HNF4G: variants seen among roughly 807,000 people sequenced by gnomAD.
The protein encoded by HNF4G is hepatocyte nuclear factor 4-gamma.
HNF4G carries 21 observed loss-of-function variants against 50.9 expected under a neutral mutation model. That is an observed-to-expected ratio of 0.41 (90% CI 0.29 to 0.59). HNF4G has a LOEUF of 0.59. Among genes scored for constraint, HNF4G ranks in the 20% least tolerant of loss-of-function variants. The pLI is 0.26. For missense variants in HNF4G, 527 were observed against 559.4 expected, an observed-to-expected ratio of 0.94 and a Z score of 0.58; for synonymous variants, 198 against 185.6, an observed-to-expected ratio of 1.07 and a Z score of -0.54.
intron 1 of HNF4G, among the ~76,000 whole-genome samples, chr8:75,443,192 A>C (rs80108463): frequency 0.023 from 3,485 of 152,192 alleles, 59 homozygotes; most frequent in Non-Finnish European, 0.03. Flanking sequence ...CAGACACCAA[A>C]TCTGCTGGTA....
At chr8:75,488,703 A>G (rs1672140863) in intron 1 of HNF4G, among the ~76,000 whole-genome samples, 1 of 152,206 alleles carries the variant, frequency 6.6e-6, no homozygotes, top group Admixed American at 6.5e-5. Context: ...TGCGATTTAC[A>G]CAGGGACAGT....
intron 1 of HNF4G, among the ~76,000 whole-genome samples, chr8:75,413,792 G>A (rs1427422160): frequency 2.0e-5 from 3 of 151,980 alleles, no homozygotes; most frequent in Admixed American, 2.0e-4. Context: ...AGGAGGCTGA[G>A]ATTGCAGTGA....
At chr8:75,419,716 A>G (rs748978516) in intron 1 of HNF4G, among the ~76,000 whole-genome samples, 3 of 152,238 alleles carry the variant, frequency 2.0e-5, no homozygotes, top group Non-Finnish European at 4.4e-5. Flanking sequence ...ATTGCAGCTC[A>G]TGGATGTTTA....
chr8:75,414,110 T>C (rs1347020805), intron 1 of HNF4G, among the ~76,000 whole-genome samples: 1 of 152,110 alleles, frequency 6.6e-6, no homozygotes, highest in African/African-American at 2.4e-5. Flanking sequence ...ATTACCACAA[T>C]GAAGACAAAG....
intron 2 of HNF4G, among the ~76,000 whole-genome samples, chr8:75,500,248 C>T (rs776429261): frequency 1.6e-4 from 24 of 151,938 alleles, no homozygotes; most frequent in Non-Finnish European, 2.8e-4. Flanking sequence ...GATATATAAA[C>T]GAACAATAAG....
chr8:75,511,410 C>T lies in HNF4G; in HGVS notation c.-24+21202C>T, dbSNP rs186963937. ...GTCTTTCCCTATTCTTCAGAATTAT[C>T]CTGGCCTCCTTGGGCCTTTTTCTCT... is the stretch of plus-strand genomic sequence containing the variant. On this transcript the variant is annotated intron_variant, in intron 2 of 10. Transcript: ENST00000354370. Among the ~76,000 whole-genome samples the T allele has an allele frequency of 1.7e-4, 26 of 152,292 alleles. 1 individual carries two copies. In the East Asian group the frequency reaches 4.8e-3, roughly 28 times the overall value.
At chr8:75,415,786 TG>T (rs566512861) in intron 1 of HNF4G, among the ~76,000 whole-genome samples, 2 of 138,822 alleles carry the variant, frequency 1.4e-5, no homozygotes, top group South Asian at 2.4e-4. Flanking sequence ...TGTTGGGGGG[TG>T]GGGGGCATGT....
chr8:75,560,824 G>T (rs1807290867), intron 9 of HNF4G, among the ~76,000 whole-genome samples: 1 of 152,018 alleles, frequency 6.6e-6, no homozygotes, highest in African/African-American at 2.4e-5. Flanking sequence ...TTCTTGCTTG[G>T]CACCTTCAAA....
intron 2 of HNF4G, among the ~76,000 whole-genome samples, chr8:75,528,468 A>G (rs1348708040): frequency 6.6e-6 from 1 of 152,228 alleles, no homozygotes; most frequent in Non-Finnish European, 1.5e-5. Flanking sequence ...TGATTATCAG[A>G]GGAATAAAAG....
chr8:75,439,608 A>G (rs536507653), intron 1 of HNF4G, among the ~76,000 whole-genome samples: 8 of 152,214 alleles, frequency 5.3e-5, no homozygotes, highest in Admixed American at 2.0e-4. Flanking sequence ...GATAAAGACA[A>G]TGAAGTAAGT....
At chr8:75,516,138 A>C (rs1805883462) in intron 2 of HNF4G, among the ~76,000 whole-genome samples, 1 of 152,238 alleles carries the variant, frequency 6.6e-6, no homozygotes. Context: ...CAAACCCAGA[A>C]ATAATGTTTA....
chr8:75,464,476 A>G (rs976001235), intron 1 of HNF4G, among the ~76,000 whole-genome samples: 9 of 151,984 alleles, frequency 5.9e-5, no homozygotes, highest in African/African-American at 2.2e-4. Context: ...ATATTGTCTC[A>G]GATTTTTTCC....
chr8:75,484,027 G>A (rs1812441634), intron 1 of HNF4G, among the ~76,000 whole-genome samples: 1 of 152,154 alleles, frequency 6.6e-6, no homozygotes, highest in Admixed American at 6.5e-5. Context: ...GAATATTCAA[G>A]TTAGGGAAGC....
chr8:75,535,690 T>C (rs1806445929), upstream of HNF4G, among the ~76,000 whole-genome samples: 1 of 151,950 alleles, frequency 6.6e-6, no homozygotes, highest in African/African-American at 2.4e-5. Flanking sequence ...TGTTTTTATA[T>C]TGTTATTAGC....
intron 4 of HNF4G, 96 bp from the exon 5 acceptor site, chr8:75,552,946 T>C: frequency 1.3e-6 from 1 of 753,296 alleles, no homozygotes; most frequent in Non-Finnish European, 2.1e-6. Flanking sequence ...TAGTGCCTAC[T>C]TCTATGGCCT....
chr8:75,450,723 T>C (rs1248745435), intron 1 of HNF4G, among the ~76,000 whole-genome samples: 1 of 152,190 alleles, frequency 6.6e-6, no homozygotes, highest in African/African-American at 2.4e-5. Flanking sequence ...CCAAAGTTCA[T>C]GTGTTGGACA....
chr8:75,427,296 G>A (rs371743573), intron 1 of HNF4G, among the ~76,000 whole-genome samples: 4 of 152,168 alleles, frequency 2.6e-5, no homozygotes, highest in Admixed American at 6.5e-5. Flanking sequence ...ATTAAGAATA[G>A]GCTAGGCATG....
chr8:75,438,695 A>AT (rs1343985050), intron 1 of HNF4G, among the ~76,000 whole-genome samples: 1 of 151,670 alleles, frequency 6.6e-6, no homozygotes, highest in Non-Finnish European at 1.5e-5. Flanking sequence ...ATTTTTAAAT[A>AT]TGTATGTTAT....
rs139324425 is a variant in HNF4G at position 75,560,399 on chromosome 8, A to T, written c.1179A>T (p.Gln393His). The T allele has an allele frequency of 3.7e-4, 594 of 1,613,296 alleles. 5 individuals are homozygous for T. In the African/African-American group the frequency reaches 7.4e-3, roughly 20 times the overall value. Reference protein sequence around the residue: ...LHHPMHPHLSQDPLTGQTILL... With the variant: ...LHHPMHPHLSHDPLTGQTILL... The stretch of plus-strand genomic sequence containing the variant: ...ATCCAATGCATCCACATTTGTCTCA[A>T]GACCCATTAACTGGACAAACTATAC... The change falls in exon 9 of 10, where the codon CAA becomes CAT. Residue 393 changes from glutamine to histidine, a missense_variant. Physicochemically the swap from Gln to His is conservative, Grantham distance 24 (BLOSUM62 0). Transcript: ENST00000396423.
Sources: gnomAD v4.1 joint callset for allele counts (sites outside exome capture counted in the v4.1 genomes callset) on GRCh38, gnomAD v4.1.1 for gene constraint, MANE v1.5 for transcripts, NCBI Gene and HGNC (gene_info 2026-07-23, HGNC 2026-07-21) for gene names.